NCKAP5: variants seen among roughly 807,000 people sequenced by gnomAD.
The protein encoded by NCKAP5 is nck-associated protein 5.
Under a neutral mutation model 167.0 loss-of-function variants are expected in NCKAP5, and 92 were observed. That is an observed-to-expected ratio of 0.55 (90% confidence interval 0.47 to 0.66). The LOEUF is 0.66. Ranked by LOEUF, NCKAP5 falls within the 30% of genes least tolerant of loss-of-function variation. The pLI, the probability that NCKAP5 is intolerant of heterozygous loss-of-function variation, is 0.00. For synonymous variants in NCKAP5, 891 were observed against 877.4 expected (o/e 1.02, Z -0.27); for missense variants, 2,378 against 2,315.0 (o/e 1.03, Z -0.56).
At chr2:133,641,171 C>G in the NCKAP5 span, among the ~76,000 whole-genome samples, 1 of 152,114 alleles carries the variant, frequency 6.6e-6, no homozygotes, top group African/African-American at 2.4e-5. Flanking sequence ...TTGTTTTTAG[C>G]TGTAAGAGCA....
intron 6 of NCKAP5, among the ~76,000 whole-genome samples, chr2:133,087,357 TCTTTTTCAATCAATCCTCAGGATTAA>T (rs1176926679): frequency 6.6e-6 from 1 of 152,238 alleles, no homozygotes; most frequent in Non-Finnish European, 1.5e-5. Flanking sequence ...TTGCTCCTTC[TCTTTTTCAATCAATCCTCAGGATTAA>T]AGGGAGAATT....
intron 11 of NCKAP5, among the ~76,000 whole-genome samples, chr2:132,818,290 A>T (rs1487712307): frequency 6.6e-6 from 1 of 152,234 alleles, no homozygotes. Context: ...TAGGAAGAAT[A>T]ATCTAAGCAA....
At chr2:132,720,920 A>G (rs1030002644) in intron 19 of NCKAP5, among the ~76,000 whole-genome samples, 10 of 152,118 alleles carry the variant, frequency 6.6e-5, no homozygotes, top group Admixed American at 2.6e-4. Context: ...CTGAAGCAGG[A>G]GAACTGCTTG....
intron 6 of NCKAP5, among the ~76,000 whole-genome samples, chr2:133,071,643 G>A (rs1323077826): frequency 1.3e-5 from 2 of 152,136 alleles, no homozygotes; most frequent in Non-Finnish European, 2.9e-5. Context: ...AGCCATGCAG[G>A]TTCTCCTATT....
intron 4 of NCKAP5, among the ~76,000 whole-genome samples, chr2:133,214,131 T>C (rs879633627): frequency 5.9e-5 from 9 of 152,200 alleles, no homozygotes; most frequent in Non-Finnish European, 1.2e-4. Flanking sequence ...TTTAATTATT[T>C]TTATTTCTTT....
At chr2:132,764,802 G>T (rs760013766) in intron 16 of NCKAP5, among the ~76,000 whole-genome samples, 20 of 152,140 alleles carry the variant, frequency 1.3e-4, no homozygotes, top group Non-Finnish European at 2.6e-4. Flanking sequence ...TGTGACATTC[G>T]ACTTAAGCAG....
chr2:133,181,387 A>AG (rs1222721853), intron 5 of NCKAP5, among the ~76,000 whole-genome samples: 1 of 152,086 alleles, frequency 6.6e-6, no homozygotes, highest in Non-Finnish European at 1.5e-5. Context: ...TTTACATGCA[A>AG]GGAAAAAAAG....
intron 4 of NCKAP5, among the ~76,000 whole-genome samples, chr2:133,293,582 C>A (rs181424995): frequency 6.1e-4 from 93 of 152,240 alleles, no homozygotes; most frequent in African/African-American, 2.1e-3. Flanking sequence ...TTATAAGAAG[C>A]CTGAACACTC....
chr2:132,768,785 G>T (rs1378773488), intron 16 of NCKAP5, among the ~76,000 whole-genome samples: 5 of 148,984 alleles, frequency 3.4e-5, no homozygotes, highest in Non-Finnish European at 6.0e-5. Context: ...GACTACAGGC[G>T]CCCGCCACCA....
chr2:133,283,447 T>TTATAGAA (rs1332457425), intron 4 of NCKAP5, among the ~76,000 whole-genome samples: 2 of 152,176 alleles, frequency 1.3e-5, no homozygotes, highest in Non-Finnish European at 2.9e-5. Flanking sequence ...CATTCTATAA[T>TTATAGAA]TTTATGTTTA....
At chr2:132,687,626 A>G (rs953072157) in intron 19 of NCKAP5, among the ~76,000 whole-genome samples, 1 of 152,010 alleles carries the variant, frequency 6.6e-6, no homozygotes, top group Admixed American at 6.6e-5. Context: ...TAAAATCATG[A>G]AAATAATCCA....
At chr2:133,283,360 C>A (rs2089995497) in intron 4 of NCKAP5, among the ~76,000 whole-genome samples, 1 of 152,084 alleles carries the variant, frequency 6.6e-6, no homozygotes, top group South Asian at 2.1e-4. Flanking sequence ...AATTCAGCAG[C>A]ACACACTAGA....
At chr2:132,797,227 G>T (rs1684679965) in intron 11 of NCKAP5, among the ~76,000 whole-genome samples, 1 of 152,190 alleles carries the variant, frequency 6.6e-6, no homozygotes, top group Non-Finnish European at 1.5e-5. Context: ...AGTCATTAAT[G>T]TCATCTGTTA....
chr2:133,406,045 T>C (rs1001880398), intron 3 of NCKAP5, among the ~76,000 whole-genome samples: 1 of 152,244 alleles, frequency 6.6e-6, no homozygotes, highest in Non-Finnish European at 1.5e-5. Flanking sequence ...AAGCACTCTC[T>C]ACAAAGCTGC....
At chr2:133,585,426 G>A in the NCKAP5 span, among the ~76,000 whole-genome samples, 2 of 152,230 alleles carry the variant, frequency 1.3e-5, no homozygotes, top group African/African-American at 4.8e-5. Context: ...ATCAAAGCCT[G>A]TGCTTTGCAC....
intron 7 of NCKAP5, among the ~76,000 whole-genome samples, chr2:132,992,628 G>A (rs2077480840): frequency 6.6e-6 from 1 of 152,068 alleles, no homozygotes; most frequent in African/African-American, 2.4e-5. Context: ...CCTCAACTTT[G>A]TACCAAAGCA....
intron 3 of NCKAP5, among the ~76,000 whole-genome samples, chr2:133,350,795 G>A (rs1684308629): frequency 6.6e-6 from 1 of 152,020 alleles, no homozygotes; most frequent in Non-Finnish European, 1.5e-5. Flanking sequence ...TCCTCAGGAT[G>A]GGAGGAGGAT....
intron 6 of NCKAP5, among the ~76,000 whole-genome samples, chr2:132,995,858 C>T (rs1396555709): frequency 1.3e-5 from 2 of 151,710 alleles, no homozygotes; most frequent in African/African-American, 4.8e-5. Context: ...GCCTGTAATC[C>T]AGCTACTCCG....
chr2:133,623,355 T>A, the NCKAP5 span, among the ~76,000 whole-genome samples: 1 of 152,044 alleles, frequency 6.6e-6, no homozygotes, highest in South Asian at 2.1e-4. Context: ...ATGAGCATGG[T>A]TAACAGACAA....
Sources: gnomAD v4.1 joint callset for allele counts (sites outside exome capture counted in the v4.1 genomes callset) on GRCh38, gnomAD v4.1.1 for gene constraint, MANE v1.5 for transcripts, NCBI Gene and HGNC (gene_info 2026-07-23, HGNC 2026-07-21) for gene names.